The following PKP4 variants were observed in gnomAD, a reference collection of about 807,000 sequenced individuals.
The protein encoded by PKP4 is plakophilin-4.
PKP4 carries 90 observed loss-of-function variants against 145.1 expected under a neutral mutation model. That is an observed-to-expected ratio of 0.62 (90% confidence interval 0.52 to 0.74). The LOEUF (loss-of-function observed/expected upper bound fraction) is 0.74, where lower values mean the gene tolerates loss of function less well. PKP4 is among the 30% of genes least tolerant of loss of function. PKP4 has a pLI of 0.00. For synonymous variants in PKP4, 563 were observed against 577.2 expected (o/e 0.98, Z 0.35); for missense variants, 1,340 against 1,482.7 (o/e 0.90, Z 1.58).
intron 1 of PKP4, among the ~76,000 whole-genome samples, chr2:158,507,747 T>C (rs1039946358): frequency 1.3e-5 from 2 of 152,176 alleles, no homozygotes; most frequent in African/African-American, 4.8e-5. Flanking sequence ...AGTTAATACA[T>C]TGAATTGAGC....
chr2:158,589,237 T>G (rs891260922), intron 3 of PKP4, among the ~76,000 whole-genome samples: 2 of 152,200 alleles, frequency 1.3e-5, no homozygotes. Context: ...TAGCATTTCA[T>G]TTTTGGTCTT....
intron 2 of PKP4, among the ~76,000 whole-genome samples, chr2:158,551,185 C>T (rs1425650169): frequency 2.6e-5 from 4 of 152,158 alleles, no homozygotes; most frequent in Non-Finnish European, 4.4e-5. Context: ...TTTGGGTCAA[C>T]TTTATAAAAG....
chr2:158,646,258 A>G (rs1194931505), intron 11 of PKP4, among the ~76,000 whole-genome samples: 2 of 152,182 alleles, frequency 1.3e-5, no homozygotes, highest in Non-Finnish European at 2.9e-5. Flanking sequence ...CTAATCCTTT[A>G]TTTTGACATG....
chr2:158,645,176 A>G (rs2054705310), intron 11 of PKP4, among the ~76,000 whole-genome samples: 1 of 152,226 alleles, frequency 6.6e-6, no homozygotes, highest in Non-Finnish European at 1.5e-5. Flanking sequence ...GCCTTAATGT[A>G]TTTTGACTAT....
intron 7 of PKP4, among the ~76,000 whole-genome samples, chr2:158,626,662 C>G (rs1030300412): frequency 1.3e-5 from 2 of 152,208 alleles, no homozygotes; most frequent in Non-Finnish European, 2.9e-5. Context: ...CTTGTCTACA[C>G]TGCACTAGTG....
intron 1 of PKP4, among the ~76,000 whole-genome samples, chr2:158,482,364 G>A (rs1693491843): frequency 6.6e-6 from 1 of 151,992 alleles, no homozygotes; most frequent in South Asian, 2.1e-4. Flanking sequence ...GCCCAGGCTG[G>A]ACTCAAACTC....
At chr2:158,517,940 A>G (rs1295175253) in intron 1 of PKP4, among the ~76,000 whole-genome samples, 1 of 152,132 alleles carries the variant, frequency 6.6e-6, no homozygotes, top group African/African-American at 2.4e-5. Flanking sequence ...AGAAAATAAG[A>G]TAATTTTGTA....
chr2:158,660,346 A>G (rs2056444011), intron 12 of PKP4: 1 of 152,632 alleles, frequency 6.6e-6, no homozygotes, highest in Non-Finnish European at 1.5e-5. Context: ...AAAGACAAGG[A>G]GCAGAAGGCA....
chr2:158,640,418 G>T (rs1348525750), intron 9 of PKP4, among the ~76,000 whole-genome samples: 1 of 152,212 alleles, frequency 6.6e-6, no homozygotes, highest in African/African-American at 2.4e-5. Context: ...CTGTGCATCT[G>T]TGCGTCATGA....
chr2:158,473,398 G>A (rs917405534), intron 1 of PKP4, among the ~76,000 whole-genome samples: 2 of 152,118 alleles, frequency 1.3e-5, no homozygotes, highest in African/African-American at 4.8e-5. Flanking sequence ...ACAAAGACAT[G>A]GAATCAACCT....
At chr2:158,639,614 C>T (rs1173178284) in intron 9 of PKP4, among the ~76,000 whole-genome samples, 1 of 152,068 alleles carries the variant, frequency 6.6e-6, no homozygotes, top group Non-Finnish European at 1.5e-5. Context: ...TAACAATCTG[C>T]TTTTCACATA....
chr2:158,563,887 G>A (rs1465462263), intron 2 of PKP4, among the ~76,000 whole-genome samples: 1 of 152,062 alleles, frequency 6.6e-6, no homozygotes, highest in East Asian at 1.9e-4. Context: ...AACACTGTTA[G>A]CATACTTTAA....
At chr2:158,485,106 A>G (rs1302173070) in intron 1 of PKP4, among the ~76,000 whole-genome samples, 1 of 152,230 alleles carries the variant, frequency 6.6e-6, no homozygotes, top group Non-Finnish European at 1.5e-5. Flanking sequence ...ACCGTGGTCT[A>G]CAAGGCCTTT....
intron 2 of PKP4, among the ~76,000 whole-genome samples, chr2:158,564,597 A>G (rs2046821378): frequency 6.6e-6 from 1 of 152,060 alleles, no homozygotes; most frequent in Non-Finnish European, 1.5e-5. Flanking sequence ...AGCAGATCCC[A>G]CTCCCATGAA....
intron 3 of PKP4, among the ~76,000 whole-genome samples, chr2:158,581,607 T>C (rs115854930): frequency 1.0e-3 from 152 of 152,338 alleles, no homozygotes; most frequent in African/African-American, 3.5e-3. Context: ...AACTGTGGAA[T>C]CCTCTTCCCC....
chr2:158,642,448 T>A (rs989672217), intron 10 of PKP4, 38 bp from the exon 11 acceptor site: 2 of 1,442,970 alleles, frequency 1.4e-6, no homozygotes, highest in Non-Finnish European at 1.9e-6. Context: ...ATTAATTGCA[T>A]GTTACTTAGG....
chr2:158,558,909 T>C (rs3755405), intron 2 of PKP4, among the ~76,000 whole-genome samples: 30,073 of 152,094 alleles, frequency 0.2, 3,840 homozygotes, highest in Middle Eastern at 0.35. Flanking sequence ...GTAGAAGGTT[T>C]CCCTTTGGAA....
At chr2:158,553,326 A>G (rs968778652) in intron 2 of PKP4, among the ~76,000 whole-genome samples, 1 of 152,334 alleles carries the variant, frequency 6.6e-6, no homozygotes, top group South Asian at 2.1e-4. Flanking sequence ...AGTGCTGAAG[A>G]TATCAGGCAT....
chr2:158,565,686 T>C (rs1162771603), intron 2 of PKP4, among the ~76,000 whole-genome samples: 2 of 152,102 alleles, frequency 1.3e-5, no homozygotes, highest in African/African-American at 4.8e-5. Flanking sequence ...AAGACTGAAA[T>C]CAGGGCTTTA....
Sources: gnomAD v4.1 joint callset for allele counts (sites outside exome capture counted in the v4.1 genomes callset) on GRCh38, gnomAD v4.1.1 for gene constraint, MANE v1.5 for transcripts, NCBI Gene and HGNC (gene_info 2026-07-23, HGNC 2026-07-21) for gene names.